LURAP1L: variants seen among roughly 807,000 people sequenced by gnomAD.
The protein encoded by LURAP1L is leucine rich adaptor protein 1 like.
LURAP1L carries 12 observed loss-of-function variants against 13.8 expected under a neutral mutation model. The ratio of observed to expected loss-of-function variants is 0.87; its 90% CI spans 0.56 to 1.41. The LOEUF (loss-of-function observed/expected upper bound fraction) is 1.41, where lower values mean the gene tolerates loss of function less well. Ranked by LOEUF, LURAP1L falls within the 40% of genes most tolerant of loss-of-function variation. The pLI, the probability that LURAP1L is intolerant of heterozygous loss-of-function variation, is 0.00. For synonymous variants in LURAP1L, 139 were observed against 119.2 expected (o/e 1.17, Z -1.08); for missense variants, 375 against 292.9 (o/e 1.28, Z -2.04).
chr9:12,796,973 G>A (rs1247034695), intron 1 of LURAP1L, among the ~76,000 whole-genome samples: 2 of 151,870 alleles, frequency 1.3e-5, no homozygotes, highest in Admixed American at 1.3e-4. Context: ...ATTGTACCTG[G>A]CACTTGTGCT....
intron 1 of LURAP1L, among the ~76,000 whole-genome samples, chr9:12,779,441 A>AT (rs1274899747): frequency 1.3e-5 from 2 of 151,866 alleles, no homozygotes; most frequent in African/African-American, 4.8e-5. Flanking sequence ...CGCCCGGCTA[A>AT]TTTTTTGTAT....
chr9:12,779,163 G>C (rs1432677092), intron 1 of LURAP1L, among the ~76,000 whole-genome samples: 7 of 151,840 alleles, frequency 4.6e-5, no homozygotes, highest in Non-Finnish European at 1.5e-5. Context: ...CCATAGATAA[G>C]GGTGTACTAC....
intron 1 of LURAP1L, among the ~76,000 whole-genome samples, chr9:12,786,745 A>G (rs527335551): frequency 1.1e-4 from 16 of 151,560 alleles, no homozygotes; most frequent in African/African-American, 3.1e-4. Flanking sequence ...CTGAAGACAT[A>G]ATATCTCTCA....
intron 1 of LURAP1L, among the ~76,000 whole-genome samples, chr9:12,809,199 C>T (rs1266354242): frequency 6.6e-6 from 1 of 152,196 alleles, no homozygotes; most frequent in Admixed American, 6.5e-5. Flanking sequence ...TACCAGGCCC[C>T]ACCTCTAGCA....
chr9:12,795,214 C>A (rs1586879968), intron 1 of LURAP1L, among the ~76,000 whole-genome samples: 1 of 151,926 alleles, frequency 6.6e-6, no homozygotes, highest in Non-Finnish European at 1.5e-5. Context: ...TGTCCCACCC[C>A]TATTTCCTAC....
intron 1 of LURAP1L, chr9:12,777,377 C>A (rs1819202595): frequency 1.0e-6 from 1 of 985,198 alleles, no homozygotes; most frequent in Non-Finnish European, 1.2e-6. Context: ...TGGAGACTAA[C>A]AGGTAAAACT....
intron 1 of LURAP1L, among the ~76,000 whole-genome samples, chr9:12,800,018 T>A (rs1819562929): frequency 6.6e-6 from 1 of 152,194 alleles, no homozygotes; most frequent in African/African-American, 2.4e-5. Context: ...ATAGTTAACT[T>A]TTACATTCTC....
In LURAP1L at chr9:12,821,708, A is replaced by C; in HGVS notation, c.635A>C (p.Gln212Pro). Residue 212 changes from glutamine (Q) to proline (P), a missense_variant, in exon 2 of 2, where the codon CAG becomes CCG. Coordinates refer to ENST00000319264, the MANE Select transcript of LURAP1L (RefSeq NM_203403.2). ...GACAGCTCCCTCATAGAGGACTCAC[A>C]GGCACTACACAAGCGTCCTAAATTG... Reference protein sequence around the residue: ...FSDSSLIEDSQALHKRPKLDS... With the variant: ...FSDSSLIEDSPALHKRPKLDS... The C allele has an allele frequency of 6.2e-7, 1 of 1,614,202 alleles. No homozygotes were observed. Among genetic ancestry groups the C allele is most frequent in the South Asian group, 1.1e-5 (1 of 91,084 alleles).
chr9:12,812,397 C>G (rs1168036381), intron 1 of LURAP1L, among the ~76,000 whole-genome samples: 1 of 152,104 alleles, frequency 6.6e-6, no homozygotes. Context: ...GGAGCAGCGC[C>G]CATCCATTTT....
chr9:12,781,529 C>G (rs555552768), intron 1 of LURAP1L, among the ~76,000 whole-genome samples: 81 of 152,294 alleles, frequency 5.3e-4, no homozygotes, highest in African/African-American at 1.9e-3. Flanking sequence ...CTGTGCCTGA[C>G]TTATTTCACT....
At chr9:12,798,476 T>C (rs942940450) in intron 1 of LURAP1L, among the ~76,000 whole-genome samples, 2 of 152,236 alleles carry the variant, frequency 1.3e-5, no homozygotes, top group African/African-American at 4.8e-5. Context: ...TTGCCTAGAT[T>C]GTTTCCTTCT....
chr9:12,781,982 T>A (rs1819278550), intron 1 of LURAP1L, among the ~76,000 whole-genome samples: 1 of 152,190 alleles, frequency 6.6e-6, no homozygotes, highest in Non-Finnish European at 1.5e-5. Context: ...TTCATTGTAG[T>A]TTTGATTTGC....
intron 1 of LURAP1L, among the ~76,000 whole-genome samples, chr9:12,802,863 A>G (rs1365534068): frequency 6.6e-6 from 1 of 152,038 alleles, no homozygotes; most frequent in Non-Finnish European, 1.5e-5. Flanking sequence ...TTGTCTTGTC[A>G]CTTTATTAGC....
intron 1 of LURAP1L, among the ~76,000 whole-genome samples, chr9:12,788,500 C>A (rs75087592): frequency 0.04 from 6,142 of 151,942 alleles, 170 homozygotes; most frequent in Middle Eastern, 0.14. Flanking sequence ...TAAATCGGTA[C>A]AAAAATGTAG....
rs181659731 is a variant in LURAP1L at position 12,781,741 on chromosome 9, T to C, written c.312+5714T>C. Among the ~76,000 whole-genome samples the C allele has an allele frequency of 6.0e-3, 918 of 152,332 alleles. 8 individuals are homozygous for C. The highest frequency in any genetic ancestry group is 0.021 in the African/African-American group (882 of 41,562). The stretch of plus-strand genomic sequence containing the variant: ...CACAGGAGTGAAGATATCTATTTGA[T>C]ATATTGATTTCCTTTCTCCTGAGTA... On this transcript the variant is annotated intron_variant, in intron 1 of 1. Coordinates refer to ENST00000319264, the MANE Select transcript of LURAP1L (RefSeq NM_203403.2).
At chr9:12,816,822 G>C (rs528420210) in intron 1 of LURAP1L, among the ~76,000 whole-genome samples, 1 of 152,314 alleles carries the variant, frequency 6.6e-6, no homozygotes, top group South Asian at 2.1e-4. Context: ...GTAAGGACCA[G>C]AGTAGAGGAG....
At chr9:12,780,288 TGTG>T in intron 1 of LURAP1L, among the ~76,000 whole-genome samples, 1 of 152,276 alleles carries the variant, frequency 6.6e-6, no homozygotes, top group South Asian at 2.1e-4. Flanking sequence ...CACAGCACTG[TGTG>T]GTGACTTGCC....
intron 1 of LURAP1L, among the ~76,000 whole-genome samples, chr9:12,820,134 A>T (rs1392456559): frequency 1.3e-5 from 2 of 152,130 alleles, no homozygotes; most frequent in African/African-American, 2.4e-5. Context: ...TTTACAGTAA[A>T]CTGTGGGACC....
chr9:12,781,764 G>A (rs557031783), intron 1 of LURAP1L, among the ~76,000 whole-genome samples: 2 of 152,142 alleles, frequency 1.3e-5, no homozygotes, highest in Non-Finnish European at 2.9e-5. Flanking sequence ...TTTCTCCTGA[G>A]TATATACCTA....
Sources: allele counts gnomAD v4.1 joint callset (sites outside exome capture counted in the v4.1 genomes callset), GRCh38; gene constraint gnomAD v4.1.1; transcripts MANE v1.5; gene names NCBI Gene and HGNC (gene_info 2026-07-23, HGNC 2026-07-21).